MTCL3: variants seen among roughly 807,000 people sequenced by gnomAD.
The protein encoded by MTCL3 is microtubule cross-linking factor 3.
At chr6:127,485,602 A>C in the MTCL3 span, among the ~76,000 whole-genome samples, 1 of 152,162 alleles carries the variant, frequency 6.6e-6, no homozygotes. Flanking sequence ...TTCAAGGGAA[A>C]GTATGTTCTA....
At chr6:127,481,266 G>A in the MTCL3 span, 24 of 977,134 alleles carry the variant, frequency 2.5e-5, no homozygotes, top group Non-Finnish European at 2.8e-5. Context: ...GAAGATTCAT[G>A]GCAACACGTG....
chr6:127,507,862 A>G, the MTCL3 span, among the ~76,000 whole-genome samples: 11 of 149,708 alleles, frequency 7.3e-5, no homozygotes, highest in Admixed American at 3.3e-4. Flanking sequence ...AAAAAAAAAA[A>G]AAAAAAAAGA....
chr6:127,512,983 T>C, the MTCL3 span: 2 of 1,611,914 alleles, frequency 1.2e-6, no homozygotes, highest in African/African-American at 2.7e-5. Flanking sequence ...TCATCTTCTG[T>C]TGTTGTTCTC....
At chr6:127,513,413 T>C in the MTCL3 span, among the ~76,000 whole-genome samples, 2 of 152,190 alleles carry the variant, frequency 1.3e-5, no homozygotes, top group African/African-American at 4.8e-5. Context: ...TTCTATTGCA[T>C]TTTATCACAT....
At chr6:127,493,367 C>A in the MTCL3 span, among the ~76,000 whole-genome samples, 1 of 152,138 alleles carries the variant, frequency 6.6e-6, no homozygotes, top group Non-Finnish European at 1.5e-5. Flanking sequence ...ATTATTAATT[C>A]ATTGATTCTA....
At chr6:127,474,077 C>G in the MTCL3 span, among the ~76,000 whole-genome samples, 1 of 152,006 alleles carries the variant, frequency 6.6e-6, no homozygotes, top group South Asian at 2.1e-4. Flanking sequence ...AGACTCCTTC[C>G]CCAGTCCTGA....
At chr6:127,507,177 A>G in the MTCL3 span, among the ~76,000 whole-genome samples, 1 of 152,200 alleles carries the variant, frequency 6.6e-6, no homozygotes, top group African/African-American at 2.4e-5. Context: ...ATACATCAAA[A>G]TCAATAGATA....
chr6:127,516,373 T>C, the MTCL3 span: 1 of 1,600,648 alleles, frequency 6.2e-7, no homozygotes, highest in Non-Finnish European at 8.5e-7. Context: ...CTTGTTACCC[T>C]GCTGTTGCTG....
the MTCL3 span, among the ~76,000 whole-genome samples, chr6:127,507,432 T>C: frequency 6.6e-6 from 1 of 152,194 alleles, no homozygotes; most frequent in East Asian, 1.9e-4. Context: ...ATTTCTGATC[T>C]GTGTACTACT....
chr6:127,516,295 G>A, the MTCL3 span: 1 of 1,557,072 alleles, frequency 6.4e-7, no homozygotes, highest in Non-Finnish European at 8.6e-7. Context: ...GGGCGCCAGG[G>A]GCGTCGCCTT....
At chr6:127,492,622 G>A in the MTCL3 span, among the ~76,000 whole-genome samples, 1 of 152,070 alleles carries the variant, frequency 6.6e-6, no homozygotes, top group Non-Finnish European at 1.5e-5. Flanking sequence ...CTGGGTTCAC[G>A]ATGTTCTCCT....
the MTCL3 span, among the ~76,000 whole-genome samples, chr6:127,506,036 A>G: frequency 6.6e-6 from 1 of 152,204 alleles, no homozygotes. Context: ...CTGCATTTAC[A>G]TATTAAAAAC....
chr6:127,504,815 T>A, the MTCL3 span, among the ~76,000 whole-genome samples: 1 of 152,122 alleles, frequency 6.6e-6, no homozygotes, highest in Non-Finnish European at 1.5e-5. Context: ...TAAAAATAAA[T>A]TTCAATAATA....
the MTCL3 span, among the ~76,000 whole-genome samples, chr6:127,511,491 C>T: frequency 6.6e-6 from 1 of 152,128 alleles, no homozygotes; most frequent in Non-Finnish European, 1.5e-5. Context: ...TTCTGAATTT[C>T]ATGAGGAAAG....
the MTCL3 span, among the ~76,000 whole-genome samples, chr6:127,476,737 A>G: frequency 2.0e-5 from 3 of 152,258 alleles, no homozygotes; most frequent in East Asian, 1.9e-4. This position sits in a 1 kb window ranked among gnomAD's most constrained non-coding sequence, Gnocchi z 4.4. Flanking sequence ...AGATTATTAT[A>G]TGTTGTAACT....
At chr6:127,487,596 C>T in the MTCL3 span, among the ~76,000 whole-genome samples, 1 of 152,182 alleles carries the variant, frequency 6.6e-6, no homozygotes, top group African/African-American at 2.4e-5. Context: ...CTTACCCAGA[C>T]AGACTGGCAG....
chr6:127,481,502 A>G, the MTCL3 span: 3 of 983,932 alleles, frequency 3.0e-6, no homozygotes, highest in African/African-American at 5.2e-5. Flanking sequence ...GCAGGAACAG[A>G]GCAGGTACAG....
chr6:127,516,402 C>G, the MTCL3 span: 1 of 1,600,614 alleles, frequency 6.2e-7, no homozygotes. Flanking sequence ...GCTGCTGCTG[C>G]CGAACAGAAT....
At chr6:127,515,674 G>A in the MTCL3 span, 9 of 1,510,650 alleles carry the variant, frequency 6.0e-6, no homozygotes, top group South Asian at 9.1e-5. This position sits in a 1 kb window ranked among gnomAD's most constrained non-coding sequence, Gnocchi z 4.3. Context: ...GCCCTCCGCC[G>A]CCGCCGCCAT....
Sources: gnomAD v4.1 joint callset for allele counts (sites outside exome capture counted in the v4.1 genomes callset) on GRCh38, gnomAD v4.1.1 for gene constraint, Gnocchi (gnomAD v3.1) non-coding constraint, MANE v1.5 for transcripts, NCBI Gene and HGNC (gene_info 2026-07-23, HGNC 2026-07-21) for gene names.